PDE1A: variants seen among roughly 807,000 people sequenced by gnomAD.
PDE1A encodes phosphodiesterase 1A.
A neutral mutation model predicts 61.7 loss-of-function variants in PDE1A; 35 were observed. The observed-to-expected ratio is 0.57, with a 90% CI of 0.43 to 0.75. The LOEUF (loss-of-function observed/expected upper bound fraction) is 0.75. PDE1A is among the 30% of genes least tolerant of loss of function. The pLI, the probability that PDE1A is intolerant of heterozygous loss-of-function variation, is 0.00. For missense variants in PDE1A, 597 were observed against 630.6 expected (o/e 0.95, Z 0.57); for synonymous variants, 232 against 213.2 (o/e 1.09, Z -0.77).
chr2:182,259,979 G>A (rs1157522318), intron 2 of PDE1A, among the ~76,000 whole-genome samples: 20 of 152,188 alleles, frequency 1.3e-4, no homozygotes, highest in Admixed American at 1.3e-3. Flanking sequence ...ATTGGCATTT[G>A]CATTTGAAAA....
At chr2:182,252,121 AT>A (rs1224442198) in intron 2 of PDE1A, among the ~76,000 whole-genome samples, 4 of 152,190 alleles carry the variant, frequency 2.6e-5, no homozygotes, top group Admixed American at 2.6e-4. Context: ...GAATAAAAGT[AT>A]AGAAAACATA....
the PDE1A span, among the ~76,000 whole-genome samples, chr2:182,634,339 G>A: frequency 4.3e-4 from 66 of 152,268 alleles, 1 homozygote; most frequent in African/African-American, 1.5e-3. Flanking sequence ...TGAACCACAC[G>A]TAATGCAGTC....
intron 2 of PDE1A, among the ~76,000 whole-genome samples, chr2:182,241,138 T>C (rs753619228): frequency 1.3e-5 from 2 of 152,164 alleles, no homozygotes; most frequent in Admixed American, 6.5e-5. Flanking sequence ...CATCGTTATT[T>C]TAAGGCCAGT....
intron 1 of PDE1A, among the ~76,000 whole-genome samples, chr2:182,273,446 T>TA (rs955448520): frequency 1.0e-4 from 15 of 149,756 alleles, no homozygotes; most frequent in Admixed American, 2.7e-4. Context: ...AAGCCAAGGA[T>TA]AAAAAAAAAT....
intron 1 of PDE1A, among the ~76,000 whole-genome samples, chr2:182,310,335 A>G (rs1420261776): frequency 2.0e-5 from 3 of 152,222 alleles, no homozygotes; most frequent in Non-Finnish European, 4.4e-5. Flanking sequence ...GGCAAAGGAA[A>G]TAACTATTCC....
chr2:182,333,796 T>A (rs898125342), intron 1 of PDE1A, among the ~76,000 whole-genome samples: 1 of 152,090 alleles, frequency 6.6e-6, no homozygotes, highest in African/African-American at 2.4e-5. Flanking sequence ...CAGGAGCTGG[T>A]CTTTTGAAAA....
the PDE1A span, among the ~76,000 whole-genome samples, chr2:182,612,507 C>T: frequency 6.6e-6 from 1 of 151,936 alleles, no homozygotes; most frequent in African/African-American, 2.4e-5. Context: ...TCTGTTTCTG[C>T]AATTAAATGA....
the PDE1A span, among the ~76,000 whole-genome samples, chr2:182,606,962 TGAG>T: frequency 9.2e-5 from 14 of 152,142 alleles, no homozygotes. Context: ...GTGCTGCCGC[TGAG>T]GAGATGGGAG....
intron 2 of PDE1A, among the ~76,000 whole-genome samples, chr2:182,464,427 T>C (rs1176721646): frequency 6.6e-6 from 1 of 151,936 alleles, no homozygotes; most frequent in African/African-American, 2.4e-5. Flanking sequence ...AAAAAGGAAA[T>C]ATTAGGGGTA....
chr2:182,204,971 AT>A (rs1265253181), intron 8 of PDE1A, among the ~76,000 whole-genome samples: 1 of 152,210 alleles, frequency 6.6e-6, no homozygotes, highest in Non-Finnish European at 1.5e-5. Flanking sequence ...TTCACAGGAG[AT>A]TTAGGCTTAT....
At chr2:182,433,129 G>A (rs1455272603) in intron 2 of PDE1A, among the ~76,000 whole-genome samples, 2 of 152,006 alleles carry the variant, frequency 1.3e-5, no homozygotes, top group Non-Finnish European at 2.9e-5. Flanking sequence ...GCTAGCTTTT[G>A]ACATCCTCAC....
At chr2:182,553,166 T>A in the PDE1A span, among the ~76,000 whole-genome samples, 2 of 152,176 alleles carry the variant, frequency 1.3e-5, no homozygotes, top group Non-Finnish European at 2.9e-5. Context: ...GGCCCAAGAT[T>A]CCATTCCTTG....
At chr2:182,626,946 C>T in the PDE1A span, among the ~76,000 whole-genome samples, 6,098 of 31,204 alleles carry the variant, frequency 0.2, 544 homozygotes, top group Non-Finnish European at 0.3. Context: ...AAAAATGTTT[C>T]CTAATATGCA....
At chr2:182,305,386 T>C (rs1440628658) in intron 1 of PDE1A, among the ~76,000 whole-genome samples, 1 of 152,152 alleles carries the variant, frequency 6.6e-6, no homozygotes. Context: ...AGCTTTACCC[T>C]TACAGATAAT....
At chr2:182,228,334 G>C (rs1689300250) in intron 6 of PDE1A, among the ~76,000 whole-genome samples, 1 of 152,042 alleles carries the variant, frequency 6.6e-6, no homozygotes, top group Non-Finnish European at 1.5e-5. Context: ...AAAACATCTT[G>C]CAGATGACAA....
the PDE1A span, among the ~76,000 whole-genome samples, chr2:182,666,608 CAAA>C: frequency 1.4e-5 from 2 of 139,904 alleles, no homozygotes; most frequent in African/African-American, 2.6e-5. Context: ...AACTCTGTCT[CAAA>C]AAAAAAAAAA....
chr2:182,692,856 T>A, the PDE1A span, among the ~76,000 whole-genome samples: 101 of 152,100 alleles, frequency 6.6e-4, no homozygotes, highest in East Asian at 0.012. Flanking sequence ...ATAATTTATA[T>A]GTTTCACTAG....
the PDE1A span, among the ~76,000 whole-genome samples, chr2:182,594,579 T>G: frequency 1.3e-5 from 2 of 152,242 alleles, no homozygotes; most frequent in Non-Finnish European, 2.9e-5. Context: ...ACATAACTTT[T>G]CTTTGTCATA....
At chr2:182,331,651 T>C (rs761882810) in intron 1 of PDE1A, among the ~76,000 whole-genome samples, 12 of 152,244 alleles carry the variant, frequency 7.9e-5, no homozygotes, top group Non-Finnish European at 1.5e-4. Flanking sequence ...AAAGTTCTTT[T>C]CTTTAAGAAT....
Sources: allele counts gnomAD v4.1 joint callset (sites outside exome capture counted in the v4.1 genomes callset), GRCh38; gene constraint gnomAD v4.1.1; transcripts MANE v1.5; gene names NCBI Gene and HGNC (gene_info 2026-07-23, HGNC 2026-07-21).